CAMKMT: variants seen among roughly 807,000 people sequenced by gnomAD.
CAMKMT encodes CaM KMT.
In CAMKMT, 53 loss-of-function variants were observed where a neutral mutation model predicts 48.0. The observed-to-expected ratio is 1.10, with a 90% confidence interval of 0.89 to 1.39. The LOEUF is 1.39. CAMKMT is among the 40% of genes most tolerant of loss of function. The pLI is 0.00. For synonymous variants in CAMKMT, 165 were observed against 152.3 expected (o/e 1.08, Z -0.61); for missense variants, 428 against 402.7 (o/e 1.06, Z -0.54).
At chr2:44,574,062 A>T (rs1457934047) in intron 3 of CAMKMT, among the ~76,000 whole-genome samples, 1 of 152,234 alleles carries the variant, frequency 6.6e-6, no homozygotes, top group Non-Finnish European at 1.5e-5. Context: ...GATTTTTAGA[A>T]ATACAGTAGT....
intron 3 of CAMKMT, among the ~76,000 whole-genome samples, chr2:44,444,762 G>A (rs1666878141): frequency 6.6e-6 from 1 of 152,190 alleles, no homozygotes; most frequent in South Asian, 2.1e-4. Context: ...TTTAGGGGAA[G>A]TAAGAGCATG....
rs116445998 is a variant in CAMKMT at position 44,694,184 on chromosome 2, G to A, written c.377-10099G>A. ...GATCTAGAAGGCCCCAAGCTTAGCT[G>A]GATCCTCAGGTTACTGAATTTTAGG... On this transcript the variant is annotated intron_variant, in intron 3 of 10. Transcript: ENST00000378494. Among the ~76,000 whole-genome samples the A allele has an allele frequency of 5.3e-3, 813 of 152,310 alleles. 9 individuals are homozygous for A. The highest frequency in any genetic ancestry group is 0.019 in the African/African-American group (770 of 41,576).
In CAMKMT at chr2:44,704,355, C is replaced by A. The variant is rs79486327; in HGVS notation, c.437+12C>A. ...AATAATATATTCAGGTACAGAGCTG[C>A]ACTTAAGATATTTTTTAGCCCATCA... On this transcript the variant is annotated intron_variant, in intron 4 of 10. Coordinates refer to ENST00000378494, the MANE Select transcript of CAMKMT (RefSeq NM_024766.5). 1.3e-3 allele frequency: 2,008 copies of A among 1,544,836 alleles called. 1 individual carries two copies. Among genetic ancestry groups the A allele is most frequent in the Non-Finnish European group, 1.7e-3 (1,899 of 1,141,104 alleles).
chr2:44,495,774 G>A (rs1021443041), intron 3 of CAMKMT, among the ~76,000 whole-genome samples: 2 of 152,142 alleles, frequency 1.3e-5, no homozygotes, highest in Admixed American at 1.3e-4. Context: ...GCAGTGGTGT[G>A]TACCTTTCTT....
intron 3 of CAMKMT, among the ~76,000 whole-genome samples, chr2:44,401,987 G>A (rs1682412159): frequency 6.6e-6 from 1 of 152,146 alleles, no homozygotes; most frequent in South Asian, 2.1e-4. Flanking sequence ...GAGAAAGTAA[G>A]GGGAAGTAAT....
At chr2:44,706,417 G>T in intron 5 of CAMKMT, 76 bp downstream of exon 5, 1 of 1,437,134 alleles carries the variant, frequency 7.0e-7, no homozygotes, top group South Asian at 1.1e-5. Context: ...TCCAACTGCT[G>T]GGTCAGAGAA....
intron 2 of CAMKMT, among the ~76,000 whole-genome samples, chr2:44,373,895 G>A (rs1679420123): frequency 6.6e-6 from 1 of 151,994 alleles, no homozygotes; most frequent in African/African-American, 2.4e-5. Flanking sequence ...AGGCCAAGGT[G>A]GGTGGATCAC....
At chr2:44,574,610 A>T (rs1022036263) in intron 3 of CAMKMT, among the ~76,000 whole-genome samples, 1 of 140,746 alleles carries the variant, frequency 7.1e-6, no homozygotes, top group Non-Finnish European at 1.5e-5. Context: ...TACAGGGGGA[A>T]AAAAAAGTCA....
intron 3 of CAMKMT, among the ~76,000 whole-genome samples, chr2:44,425,147 T>C (rs781073369): frequency 2.0e-5 from 3 of 152,144 alleles, no homozygotes; most frequent in Non-Finnish European, 2.9e-5. Flanking sequence ...TGAATCAGAA[T>C]AATAAAATAA....
intron 3 of CAMKMT, among the ~76,000 whole-genome samples, chr2:44,505,655 C>A (rs952455288): frequency 1.3e-5 from 2 of 152,000 alleles, no homozygotes; most frequent in Non-Finnish European, 2.9e-5. Context: ...ATCATCTTAC[C>A]ATTGAATAGG....
intron 3 of CAMKMT, among the ~76,000 whole-genome samples, chr2:44,428,023 A>G (rs559439911): frequency 1.3e-5 from 2 of 152,258 alleles, no homozygotes; most frequent in Admixed American, 6.5e-5. Flanking sequence ...TGGAGCCCCT[A>G]AGGGTGTGTG....
At chr2:44,491,150 C>CAA (rs201007456) in intron 3 of CAMKMT, among the ~76,000 whole-genome samples, 10 of 114,200 alleles carry the variant, frequency 8.8e-5, no homozygotes, top group African/African-American at 2.7e-4. Flanking sequence ...GACCTTGTCT[C>CAA]AAAAAAAAAA....
At chr2:44,591,071 T>C (rs974685371) in intron 3 of CAMKMT, among the ~76,000 whole-genome samples, 4 of 151,922 alleles carry the variant, frequency 2.6e-5, no homozygotes, top group African/African-American at 9.7e-5. Context: ...TGTAGATATG[T>C]GGCGTTATTT....
At chr2:44,565,918 A>G (rs1189287222) in intron 3 of CAMKMT, among the ~76,000 whole-genome samples, 1 of 152,164 alleles carries the variant, frequency 6.6e-6, no homozygotes, top group Non-Finnish European at 1.5e-5. Context: ...CTTGCCCTAC[A>G]ATATTGTTTT....
chr2:44,496,281 C>A (rs886345217), intron 3 of CAMKMT, among the ~76,000 whole-genome samples: 3 of 152,058 alleles, frequency 2.0e-5, no homozygotes, highest in African/African-American at 7.2e-5. Flanking sequence ...GCATATTCAG[C>A]GTCATATTTT....
At chr2:44,380,806 C>T (rs1225800808) in intron 2 of CAMKMT, among the ~76,000 whole-genome samples, 1 of 152,118 alleles carries the variant, frequency 6.6e-6, no homozygotes, top group Non-Finnish European at 1.5e-5. Flanking sequence ...ATGAGGTTTA[C>T]TGTTTCTCCA....
chr2:44,499,704 G>A (rs927843229), intron 3 of CAMKMT, among the ~76,000 whole-genome samples: 57 of 152,336 alleles, frequency 3.7e-4, no homozygotes, highest in Admixed American at 3.5e-3. Context: ...AGATCTTCCA[G>A]TTGAGTGAAC....
chr2:44,480,984 T>A (rs1032130053), intron 3 of CAMKMT, among the ~76,000 whole-genome samples: 7 of 152,044 alleles, frequency 4.6e-5, no homozygotes, highest in African/African-American at 1.7e-4. Context: ...ATGCCTATAC[T>A]TTCTATCATC....
rs1292914167 is a variant in CAMKMT, at chr2:44,372,702, G to T, written c.139-14G>T. Reference sequence around the variant, plus strand: ...TTAGATAACATGACTGCAATATTTGGCTTTATTTCAAAGGTTCTGAAGCAA... The same window carrying T: ...TTAGATAACATGACTGCAATATTTGTCTTTATTTCAAAGGTTCTGAAGCAA... On this transcript the variant is annotated splice_polypyrimidine_tract_variant and intron_variant, in intron 1 of 10. Transcript: ENST00000378494. 6.2e-7 allele frequency: 1 copy of T among 1,605,086 alleles called. No homozygotes were observed.
Sources: allele counts gnomAD v4.1 joint callset (sites outside exome capture counted in the v4.1 genomes callset), GRCh38; gene constraint gnomAD v4.1.1; transcripts MANE v1.5; gene names NCBI Gene and HGNC (gene_info 2026-07-23, HGNC 2026-07-21).